PHB1: variants seen among roughly 807,000 people sequenced by gnomAD.
PHB1 encodes the protein prohibitin 1.
At chr17:49,406,571 C>T in the PHB1 span, among the ~76,000 whole-genome samples, 1 of 152,316 alleles carries the variant, frequency 6.6e-6, no homozygotes, top group Non-Finnish European at 1.5e-5. Context: ...AACATAACTC[C>T]ACATATCCTT....
chr17:49,407,215 G>C, the PHB1 span: 2 of 222,738 alleles, frequency 9.0e-6, no homozygotes, highest in Non-Finnish European at 1.9e-5. Context: ...ACTGACTAGT[G>C]CTCTTCCAAG....
At chr17:49,410,563 C>A in the PHB1 span, among the ~76,000 whole-genome samples, 3 of 152,258 alleles carry the variant, frequency 2.0e-5, no homozygotes, top group Admixed American at 6.5e-5. Context: ...ATAGACAGGG[C>A]AATGCTAAGA....
chr17:49,413,302 A>G, the PHB1 span: 2 of 1,477,730 alleles, frequency 1.4e-6, no homozygotes, highest in Non-Finnish European at 1.9e-6. Flanking sequence ...CTAAGGGGAT[A>G]AAAACAAAAT....
chr17:49,411,137 T>C, the PHB1 span, among the ~76,000 whole-genome samples: 2 of 151,546 alleles, frequency 1.3e-5, no homozygotes, highest in Non-Finnish European at 2.9e-5. Context: ...TAATGTATCC[T>C]GAAAACAACT....
the PHB1 span, chr17:49,406,781 C>T: frequency 1.2e-6 from 2 of 1,613,714 alleles, no homozygotes; most frequent in Non-Finnish European, 1.7e-6. Flanking sequence ...AAATCTGGCC[C>T]TCTCTGCTTC....
At chr17:49,408,351 C>T in the PHB1 span, among the ~76,000 whole-genome samples, 10 of 152,302 alleles carry the variant, frequency 6.6e-5, no homozygotes, top group East Asian at 1.3e-3. Context: ...CCTCACTGCC[C>T]GAACAAATCA....
the PHB1 span, chr17:49,404,328 A>C: frequency 6.5e-6 from 1 of 153,912 alleles, no homozygotes; most frequent in Non-Finnish European, 1.4e-5. Flanking sequence ...CTCACTATAC[A>C]AGTCCATCCA....
chr17:49,405,358 G>C, the PHB1 span, among the ~76,000 whole-genome samples: 1 of 152,178 alleles, frequency 6.6e-6, no homozygotes, highest in Non-Finnish European at 1.5e-5. Context: ...GAAGCGGGGG[G>C]AAGCAGAGCA....
At chr17:49,407,240 T>C in the PHB1 span, 1 of 187,300 alleles carries the variant, frequency 5.3e-6, no homozygotes, top group Non-Finnish European at 1.2e-5. Context: ...TTTGATGCCT[T>C]GTTCAAAGCC....
chr17:49,409,543 G>GTTTTTTT, the PHB1 span: 1 of 838,006 alleles, frequency 1.2e-6, no homozygotes, highest in Non-Finnish European at 1.7e-6. Context: ...TTTTTTTTTT[G>GTTTTTTT]TTTTTTTTTT....
the PHB1 span, among the ~76,000 whole-genome samples, chr17:49,410,061 T>C: frequency 1.3e-5 from 2 of 150,688 alleles, no homozygotes; most frequent in Non-Finnish European, 2.9e-5. Flanking sequence ...CTCTGTACTT[T>C]TTGTAGAGCT....
the PHB1 span, chr17:49,406,746 G>C: frequency 6.2e-7 from 1 of 1,601,902 alleles, no homozygotes; most frequent in Non-Finnish European, 8.5e-7. Flanking sequence ...CTGCCATCTG[G>C]TCGAAGGCTC....
the PHB1 span, among the ~76,000 whole-genome samples, chr17:49,411,451 G>A: frequency 6.6e-6 from 1 of 152,132 alleles, no homozygotes; most frequent in Non-Finnish European, 1.5e-5. Flanking sequence ...ACCTGCCTCA[G>A]CCTCCCAAAG....
At chr17:49,409,543 GTT>G in the PHB1 span, 1,659 of 833,734 alleles carry the variant, frequency 2.0e-3, no homozygotes, top group East Asian at 5.2e-3. Context: ...TTTTTTTTTT[GTT>G]TTTTTTTTTT....
At chr17:49,405,068 G>A in the PHB1 span, 13 of 1,602,554 alleles carry the variant, frequency 8.1e-6, no homozygotes, top group Non-Finnish European at 1.1e-5. Context: ...GAGCTGGTAC[G>A]CGATGTCCTC....
At chr17:49,404,875 T>C in the PHB1 span, 1 of 699,968 alleles carries the variant, frequency 1.4e-6, no homozygotes, top group Non-Finnish European at 2.5e-6. Flanking sequence ...TCCTTCACTT[T>C]AAGCCAATCA....
At chr17:49,407,132 A>G in the PHB1 span, 1 of 412,704 alleles carries the variant, frequency 2.4e-6, no homozygotes, top group Non-Finnish European at 4.5e-6. Context: ...TGGGGCCCAC[A>G]GGCACCAGAA....
chr17:49,411,119 T>C, the PHB1 span, among the ~76,000 whole-genome samples: 2 of 151,482 alleles, frequency 1.3e-5, no homozygotes, highest in African/African-American at 4.9e-5. Flanking sequence ...GTTTTAGAAA[T>C]AGGTACATAA....
chr17:49,411,737 G>T, the PHB1 span: 3 of 1,613,942 alleles, frequency 1.9e-6, no homozygotes, highest in African/African-American at 2.7e-5. Context: ...AAAGATAATT[G>T]GTTTCTGTAC....
Sources: gnomAD v4.1 joint callset for allele counts (sites outside exome capture counted in the v4.1 genomes callset) on GRCh38, gnomAD v4.1.1 for gene constraint, MANE v1.5 for transcripts, NCBI Gene and HGNC (gene_info 2026-07-23, HGNC 2026-07-21) for gene names.